The following PRSS3 variants were observed in gnomAD, a reference collection of about 807,000 sequenced individuals.
PRSS3 encodes the protein serine protease 3, also known as trypsin-3.
In PRSS3, 14 loss-of-function variants were observed where a neutral mutation model predicts 20.8. The observed-to-expected ratio is 0.67, with a 90% CI of 0.44 to 1.05. The LOEUF (loss-of-function observed/expected upper bound fraction) is 1.05, where lower values mean the gene tolerates loss of function less well. Ranked by LOEUF, PRSS3 falls within the 50% of genes least tolerant of loss-of-function variation. PRSS3 has a pLI of 0.00. For missense variants in PRSS3, 237 were observed against 306.4 expected, an observed-to-expected ratio of 0.77 and a Z score of 1.69; for synonymous variants, 91 against 117.6, an observed-to-expected ratio of 0.77 and a Z score of 1.46.
chr9:33,790,393 T>G (rs1824580319), intron 1 of PRSS3, among the ~76,000 whole-genome samples: 1 of 152,214 alleles, frequency 6.6e-6, no homozygotes, highest in African/African-American at 2.4e-5. Context: ...CATGACAAGG[T>G]ATATATCCAT....
chr9:33,789,959 G>C (rs1200642035), intron 1 of PRSS3, among the ~76,000 whole-genome samples: 2 of 152,058 alleles, frequency 1.3e-5, no homozygotes, highest in African/African-American at 4.8e-5. Context: ...TTAAATGTAG[G>C]GTTTTTTTAT....
chr9:33,787,412 T>G (rs893339789), intron 1 of PRSS3, among the ~76,000 whole-genome samples: 1 of 152,180 alleles, frequency 6.6e-6, no homozygotes, highest in Non-Finnish European at 1.5e-5. Context: ...TTTGGAGTGG[T>G]CCAGAGGTTT....
At chr9:33,768,892 C>T (rs763224285) in intron 1 of PRSS3, among the ~76,000 whole-genome samples, 4 of 152,016 alleles carry the variant, frequency 2.6e-5, no homozygotes, top group Non-Finnish European at 4.4e-5. Context: ...AAAGAAAATG[C>T]GTCTATCATC....
At chr9:33,781,282 G>A (rs1071264) in intron 1 of PRSS3, among the ~76,000 whole-genome samples, 23,240 of 152,154 alleles carry the variant, frequency 0.15, 2,094 homozygotes, top group South Asian at 0.33. Context: ...GGAATCAAGC[G>A]AGGTGCCCAT....
rs146069979 is a variant in PRSS3 at position 33,786,442 on chromosome 9, C to T, written c.-52-8304C>T. On this transcript the variant is annotated intron_variant, in intron 1 of 5. Transcript: ENST00000342836. Reference sequence around the variant, plus strand: ...GCAGTGCCCTGGGGTCCTTTGGGAGCTGAGGTGGTATTGGAGAGATAAAGC... The same window carrying T: ...GCAGTGCCCTGGGGTCCTTTGGGAGTTGAGGTGGTATTGGAGAGATAAAGC... 1,263 of 689,932 alleles carry T rather than the reference C, an allele frequency of 1.8e-3. 10 individuals are homozygous for T. The African/African-American group carries it at 0.02, about 11-fold the overall frequency. 42.7% of individuals were successfully genotyped at this position (689,932 alleles called of 1,614,324 possible). A position where few individuals can be genotyped will look rare whatever the true frequency, so the allele number is the denominator to read the frequency against.
chr9:33,778,647 T>C (rs1824044104), intron 1 of PRSS3, among the ~76,000 whole-genome samples: 1 of 152,152 alleles, frequency 6.6e-6, no homozygotes, highest in African/African-American at 2.4e-5. Flanking sequence ...AAAATAAAAA[T>C]AGTTGCTAAA....
upstream of PRSS3, among the ~76,000 whole-genome samples, chr9:33,794,068 A>T (rs1294753188): frequency 6.6e-6 from 1 of 152,194 alleles, no homozygotes; most frequent in Non-Finnish European, 1.5e-5. Flanking sequence ...GCTGAACCTG[A>T]AGGTACTCTG....
rs545028630 is a variant in PRSS3, at chr9:33,768,851, G to A, written c.-53+18124G>A. Among the ~76,000 whole-genome samples the A allele has an allele frequency of 4.6e-5, 7 of 152,092 alleles. No homozygotes were observed. The East Asian group carries it at 5.8e-4, about 13-fold the overall frequency. On this transcript the variant is annotated intron_variant, in intron 1 of 5. Coordinates refer to the PRSS3 transcript ENST00000342836. ...AGCCTGGGTGACAGAGAGAAACTCC[G>A]TCTCCACAAAAAAATAAAAATAAAA...
chr9:33,754,037 T>C (rs1382545892), intron 1 of PRSS3, among the ~76,000 whole-genome samples: 1 of 152,122 alleles, frequency 6.6e-6, no homozygotes, highest in Admixed American at 6.5e-5. Context: ...CTTGTCTTTT[T>C]TTTTCTTTTC....
Position 33,797,977 on chromosome 9 carries a change from G to A in PRSS3, c.349G>A (p.Ala117Thr). Residue 117 changes from alanine to threonine, a missense_variant, in exon 3 of 5, where the codon GCC becomes ACC. Ala to Thr is a moderately conservative substitution (Grantham distance 58). Coordinates refer to ENST00000379405, the MANE Select transcript of PRSS3 (RefSeq NM_002771.4). ...CATGCTGATCAAACTCTCCTCACCT[G>A]CCGTCATCAATGCCCGCGTGTCCAC... is the stretch of plus-strand genomic sequence containing the variant. The part of the protein sequence containing the change: ...DIMLIKLSSP[A>T]VINARVSTIS... 1 of 1,614,272 alleles carries A rather than the reference G, an allele frequency of 6.2e-7. No homozygotes were observed. Among genetic ancestry groups the A allele is most frequent in the Admixed American group, 1.7e-5 (1 of 60,028 alleles).
At chr9:33,794,327 C>T (rs1453271448), upstream of PRSS3, among the ~76,000 whole-genome samples, 1 of 152,168 alleles carries the variant, frequency 6.6e-6, no homozygotes, top group Non-Finnish European at 1.5e-5. Flanking sequence ...GGGAAAGCAC[C>T]CTCATAAGGA....
chr9:33,786,025 G>A (rs2119027351), intron 1 of PRSS3: 2 of 247,442 alleles, frequency 8.1e-6, no homozygotes, highest in Non-Finnish European at 7.7e-6. Context: ...CAAGGCTTGT[G>A]CATGAAGACT....
intron 1 of PRSS3, among the ~76,000 whole-genome samples, chr9:33,763,322 C>G (rs190692612): frequency 6.6e-6 from 1 of 152,308 alleles, no homozygotes; most frequent in Non-Finnish European, 1.5e-5. Context: ...TAAGTATATT[C>G]TTTTGGTCAG....
At chr9:33,779,859 A>T in intron 1 of PRSS3, among the ~76,000 whole-genome samples, 1 of 105,080 alleles carries the variant, frequency 9.5e-6, no homozygotes, top group Non-Finnish European at 1.8e-5. Flanking sequence ...ACAGAGCGAG[A>T]CTCTGTCTAA....
At chr9:33,798,906 C>T in intron 4 of PRSS3, 122 bp from the exon 5 acceptor site, 1 of 1,334,092 alleles carries the variant, frequency 7.5e-7, no homozygotes, top group Non-Finnish European at 1.1e-6. Flanking sequence ...GAATGGGCCA[C>T]CGTGGGAAGG....
Position 33,783,088 on chromosome 9 carries a change from G to A in PRSS3, c.-52-11658G>A, listed in dbSNP as rs892654847. Reference sequence around the variant, plus strand: ...CACAACTTGAACAAATCTTAAAAACGTTATTCTGAGTGAAAGAAACTTTGC... The same window carrying A: ...CACAACTTGAACAAATCTTAAAAACATTATTCTGAGTGAAAGAAACTTTGC... On this transcript the variant is annotated intron_variant, in intron 1 of 5. Transcript: ENST00000342836. Among the ~76,000 whole-genome samples, 63 of 152,148 alleles carry A rather than the reference G, an allele frequency of 4.1e-4. 1 individual carries two copies. The highest frequency in any genetic ancestry group is 2.0e-4 in the Admixed American group (3 of 15,272).
chr9:33,792,151 G>A (rs543654716), upstream of PRSS3, among the ~76,000 whole-genome samples: 4 of 152,218 alleles, frequency 2.6e-5, no homozygotes, highest in East Asian at 1.9e-4. Flanking sequence ...AAATTGTGCC[G>A]TGGGGGAGAT....
intron 1 of PRSS3, among the ~76,000 whole-genome samples, chr9:33,782,533 G>A (rs774916592): frequency 3.9e-5 from 6 of 152,204 alleles, no homozygotes; most frequent in Non-Finnish European, 8.8e-5. Context: ...TAATCAAAAC[G>A]TTATTTAGAA....
intron 1 of PRSS3, among the ~76,000 whole-genome samples, chr9:33,769,896 T>C (rs1272641322): frequency 4.6e-5 from 7 of 152,342 alleles, no homozygotes; most frequent in African/African-American, 1.7e-4. Flanking sequence ...CTGGGCGCGG[T>C]GGCTCACGCC....
Sources: allele counts gnomAD v4.1 joint callset (sites outside exome capture counted in the v4.1 genomes callset), GRCh38; gene constraint gnomAD v4.1.1; transcripts MANE v1.5; gene names NCBI Gene and HGNC (gene_info 2026-07-23, HGNC 2026-07-21).